KNTC1: variants seen among roughly 807,000 people sequenced by gnomAD.
The protein encoded by KNTC1 is kinetochore associated 1.
Under a neutral mutation model 314.4 loss-of-function variants are expected in KNTC1, and 253 were observed. That is an observed-to-expected ratio of 0.80 (90% CI 0.73 to 0.89). The LOEUF (loss-of-function observed/expected upper bound fraction) is 0.89. Ranked by LOEUF, KNTC1 falls within the 40% of genes least tolerant of loss-of-function variation. KNTC1 has a pLI of 0.00. For synonymous variants in KNTC1, 901 were observed against 901.4 expected, an observed-to-expected ratio of 1.00 and a Z score of 0.01; for missense variants, 2,475 against 2,572.9, an observed-to-expected ratio of 0.96 and a Z score of 0.82.
intron 52 of KNTC1, 95 bp downstream of exon 52, chr12:122,609,525 T>C: frequency 2.5e-6 from 2 of 798,670 alleles, no homozygotes; most frequent in African/African-American, 1.8e-5. Context: ...TTAAAGGGCT[T>C]TCTTGATAAA....
chr12:122,549,940 A>C (rs1321457475), intron 13 of KNTC1, 76 bp downstream of exon 13: 2 of 772,950 alleles, frequency 2.6e-6, no homozygotes, highest in African/African-American at 3.5e-5. Context: ...GGATGATTAA[A>C]AGCCTTAATA....
chr12:122,533,820 G>A (rs1961574072), intron 2 of KNTC1, among the ~76,000 whole-genome samples: 1 of 150,634 alleles, frequency 6.6e-6, no homozygotes. Flanking sequence ...ATTTTGTCAG[G>A]GAAGAATAGG....
chr12:122,533,766 G>A (rs913604229), intron 2 of KNTC1, among the ~76,000 whole-genome samples: 1 of 150,594 alleles, frequency 6.6e-6, no homozygotes, highest in Non-Finnish European at 1.5e-5. Flanking sequence ...TACACCTGGA[G>A]AAGATGACTT....
At chr12:122,570,343 ACC>A (rs1314931517) in intron 22 of KNTC1, among the ~76,000 whole-genome samples, 2 of 152,042 alleles carry the variant, frequency 1.3e-5, no homozygotes, top group African/African-American at 4.8e-5. Flanking sequence ...ACATGGTGAA[ACC>A]CTGTGTCTAC....
At chr12:122,613,516 C>A in intron 54 of KNTC1, 110 bp from the exon 55 acceptor site, 1 of 1,012,722 alleles carries the variant, frequency 9.9e-7, no homozygotes. Context: ...TTTGGAAGTC[C>A]AAAATGGACA....
rs376380873 is a variant in KNTC1 at position 122,590,642 on chromosome 12, G to A, written c.4035G>A (p.Ala1345=). 4.3e-6 allele frequency: 7 copies of A among 1,613,410 alleles called. No individual in the cohort carries two copies. Among genetic ancestry groups the A allele is most frequent in the Middle Eastern group, 3.3e-4 (2 of 6,060 alleles). ...FNCRLVDLDL[A]LGYCTLLPQK... is the part of the protein sequence containing the mutation. Reference sequence around the variant, plus strand: ...GTCGCTTGGTAGATCTTGACCTGGCGTTGGGTTACTGCACTCTCTTACCTC... The same window carrying A: ...GTCGCTTGGTAGATCTTGACCTGGCATTGGGTTACTGCACTCTCTTACCTC... The change falls in exon 41 of 64, where the codon GCG becomes GCA. Residue 1345 remains alanine, a synonymous_variant. Transcript: ENST00000333479.
chr12:122,590,379 C>T (rs1870014147), intron 40 of KNTC1, among the ~76,000 whole-genome samples: 1 of 152,084 alleles, frequency 6.6e-6, no homozygotes, highest in Non-Finnish European at 1.5e-5. Flanking sequence ...CACATTAGAA[C>T]TATGTTACTA....
At chr12:122,602,357 G>T (rs1029305373) in intron 45 of KNTC1, 3 of 393,614 alleles carry the variant, frequency 7.6e-6, no homozygotes, top group Non-Finnish European at 1.3e-5. Flanking sequence ...GGCACCAGTG[G>T]TTTCTCCTCA....
chr12:122,608,106 C>T (rs959367899), intron 51 of KNTC1, among the ~76,000 whole-genome samples: 1 of 152,124 alleles, frequency 6.6e-6, no homozygotes, highest in Non-Finnish European at 1.5e-5. Flanking sequence ...TGTAATATGA[C>T]ATTAGGGTTT....
intron 18 of KNTC1, 25 bp downstream of exon 18, chr12:122,557,714 T>G: frequency 6.5e-7 from 1 of 1,547,626 alleles, no homozygotes; most frequent in Non-Finnish European, 8.9e-7. Context: ...TTGTATTTTG[T>G]TTTTTTGGGG....
chr12:122,612,442 A>T, intron 53 of KNTC1, among the ~76,000 whole-genome samples: 1 of 137,074 alleles, frequency 7.3e-6, no homozygotes. Context: ...TTTGAGAGAG[A>T]GTCTCACTCT....
intron 18 of KNTC1, among the ~76,000 whole-genome samples, 196 bp downstream of exon 18, chr12:122,557,885 T>G (rs1963707428): frequency 6.6e-6 from 1 of 152,194 alleles, no homozygotes; most frequent in Non-Finnish European, 1.5e-5. Flanking sequence ...GTTCAGTGGT[T>G]TTTAATATAT....
intron 57 of KNTC1, chr12:122,617,365 AG>A (rs1174434667): frequency 2.2e-6 from 1 of 448,950 alleles, no homozygotes; most frequent in Non-Finnish European, 4.5e-6. Context: ...TATTGATGGA[AG>A]TTTACATTTT....
At chr12:122,552,971 G>A (rs1196393806) in intron 16 of KNTC1, among the ~76,000 whole-genome samples, 1 of 151,870 alleles carries the variant, frequency 6.6e-6, no homozygotes, top group African/African-American at 2.4e-5. Context: ...TGGGCAATAT[G>A]GTGAAACCTA....
intron 3 of KNTC1, among the ~76,000 whole-genome samples, chr12:122,536,778 A>G (rs1961873042): frequency 6.6e-6 from 1 of 152,052 alleles, no homozygotes; most frequent in Non-Finnish European, 1.5e-5. Flanking sequence ...TTGGCCTCCC[A>G]AAGTGCTGGG....
At chr12:122,577,848 A>G (rs568719782) in intron 31 of KNTC1, 57 bp downstream of exon 31, 2 of 1,487,862 alleles carry the variant, frequency 1.3e-6, no homozygotes, top group South Asian at 2.4e-5. Context: ...CTATTAATCA[A>G]TAGGATAGAA....
intron 20 of KNTC1, among the ~76,000 whole-genome samples, chr12:122,566,754 G>C (rs1196898328): frequency 7.5e-6 from 1 of 133,650 alleles, no homozygotes; most frequent in East Asian, 2.4e-4. Flanking sequence ...TGTTGTCCAG[G>C]CTGGTTTTTT....
intron 16 of KNTC1, among the ~76,000 whole-genome samples, chr12:122,555,285 G>A (rs755152763): frequency 1.2e-4 from 18 of 152,186 alleles, no homozygotes; most frequent in Admixed American, 2.0e-4. Flanking sequence ...GGGTGCAGTG[G>A]CTCACCTTTG....
chr12:122,571,329 C>T (rs1964670116), intron 24 of KNTC1, among the ~76,000 whole-genome samples: 1 of 151,284 alleles, frequency 6.6e-6, no homozygotes, highest in African/African-American at 2.4e-5. Context: ...AAAACTTCAA[C>T]CTATGTTTTT....
Sources: allele counts gnomAD v4.1 joint callset (sites outside exome capture counted in the v4.1 genomes callset), GRCh38; gene constraint gnomAD v4.1.1; transcripts MANE v1.5; gene names NCBI Gene and HGNC (gene_info 2026-07-23, HGNC 2026-07-21).